RIT2: variants seen among roughly 807,000 people sequenced by gnomAD.
RIT2 encodes the protein GTP-binding protein Rit2.
Under a neutral mutation model 23.7 loss-of-function variants are expected in RIT2, and 24 were observed. That is an observed-to-expected ratio of 1.01 (90% CI 0.73 to 1.43). RIT2 has a LOEUF of 1.43. Among genes scored for constraint, RIT2 ranks in the 40% most tolerant of loss-of-function variants. The pLI is 0.00. For missense variants in RIT2, 236 were observed against 266.9 expected, an observed-to-expected ratio of 0.88 and a Z score of 0.81; for synonymous variants, 107 against 91.1, an observed-to-expected ratio of 1.17 and a Z score of -0.99.
chr18:42,939,983 G>T (rs1465973435), intron 3 of RIT2, among the ~76,000 whole-genome samples: 2 of 151,848 alleles, frequency 1.3e-5, no homozygotes, highest in Non-Finnish European at 2.9e-5. Context: ...CCACCTGAAT[G>T]AAGGCCTGAT....
intron 2 of RIT2, among the ~76,000 whole-genome samples, chr18:43,013,117 T>C (rs990198337): frequency 6.6e-6 from 1 of 151,836 alleles, no homozygotes; most frequent in African/African-American, 2.4e-5. Context: ...TGTACATACA[T>C]GTGTCTGTAC....
intron 1 of RIT2, among the ~76,000 whole-genome samples, chr18:43,108,576 G>A (rs1393370725): frequency 1.3e-5 from 2 of 152,080 alleles, no homozygotes; most frequent in South Asian, 4.2e-4. Flanking sequence ...GTCATAGATG[G>A]GGCAGACATA....
intron 4 of RIT2, among the ~76,000 whole-genome samples, chr18:42,903,557 G>A (rs150128078): frequency 1.4e-3 from 208 of 151,914 alleles, no homozygotes; most frequent in African/African-American, 4.6e-3. Flanking sequence ...ATGAATATAC[G>A]ACATTTATTT....
chr18:42,882,513 T>C (rs954243539), intron 4 of RIT2, among the ~76,000 whole-genome samples: 1 of 152,214 alleles, frequency 6.6e-6, no homozygotes, highest in Non-Finnish European at 1.5e-5. Context: ...TTCACACTGA[T>C]GCTTTACACA....
intron 4 of RIT2, among the ~76,000 whole-genome samples, chr18:42,913,739 C>A (rs1410677046): frequency 4.0e-5 from 6 of 151,840 alleles, no homozygotes; most frequent in Non-Finnish European, 1.5e-5. Flanking sequence ...TCAAAGGATA[C>A]AACATTTCAG....
At chr18:42,850,968 T>G (rs1387238144) in intron 4 of RIT2, among the ~76,000 whole-genome samples, 1 of 152,210 alleles carries the variant, frequency 6.6e-6, no homozygotes, top group Non-Finnish European at 1.5e-5. Context: ...GGGAACCAGA[T>G]GTTATATATT....
intron 2 of RIT2, among the ~76,000 whole-genome samples, chr18:43,008,530 T>C (rs1911276352): frequency 6.6e-6 from 1 of 151,386 alleles, no homozygotes; most frequent in African/African-American, 2.4e-5. Context: ...CTTTTTCTTA[T>C]ACTAACTCAT....
At chr18:42,885,551 G>A (rs538873989) in intron 4 of RIT2, among the ~76,000 whole-genome samples, 6 of 152,084 alleles carry the variant, frequency 3.9e-5, no homozygotes, top group Non-Finnish European at 7.4e-5. Flanking sequence ...GTGCCTCTGC[G>A]CTCCAGCCTG....
At chr18:42,937,338 C>T (rs981705571) in intron 3 of RIT2, among the ~76,000 whole-genome samples, 2 of 152,150 alleles carry the variant, frequency 1.3e-5, no homozygotes, top group African/African-American at 4.8e-5. Context: ...ATTTGGCCAA[C>T]AATTTTGTCT....
chr18:42,957,673 AC>A (rs1369496310), intron 3 of RIT2, among the ~76,000 whole-genome samples: 3 of 152,080 alleles, frequency 2.0e-5, no homozygotes, highest in Non-Finnish European at 4.4e-5. Context: ...AATACCAGCT[AC>A]TTGGGAGGGT....
At chr18:43,035,665 C>G (rs1911957173) in intron 1 of RIT2, among the ~76,000 whole-genome samples, 1 of 152,214 alleles carries the variant, frequency 6.6e-6, no homozygotes. Context: ...CACCACTCCT[C>G]AAGGAATATT....
At chr18:43,014,609 AAATAT>A (rs1911429808) in intron 2 of RIT2, among the ~76,000 whole-genome samples, 1 of 139,628 alleles carries the variant, frequency 7.2e-6, no homozygotes, top group Non-Finnish European at 1.6e-5. Flanking sequence ...AACATTTTTA[AAATAT>A]AATAAATAAA....
At chr18:42,744,558 G>T (rs1389620152) in intron 4 of RIT2, among the ~76,000 whole-genome samples, 1 of 151,726 alleles carries the variant, frequency 6.6e-6, no homozygotes, top group Non-Finnish European at 1.5e-5. Flanking sequence ...TTGCAAACTT[G>T]GTTAATTTTT....
chr18:42,969,916 T>G (rs1025346990), intron 3 of RIT2, among the ~76,000 whole-genome samples: 9 of 152,078 alleles, frequency 5.9e-5, no homozygotes, highest in Non-Finnish European at 1.3e-4. Context: ...TTTGCTGCAA[T>G]TTTTAATTTA....
intron 4 of RIT2, among the ~76,000 whole-genome samples, chr18:42,766,259 A>C (rs561211768): frequency 2.6e-5 from 4 of 152,306 alleles, no homozygotes; most frequent in Non-Finnish European, 5.9e-5. Context: ...GATTTGTTGA[A>C]TGGCTTTGCC....
intron 3 of RIT2, among the ~76,000 whole-genome samples, chr18:42,947,527 G>C (rs1424161954): frequency 2.6e-5 from 4 of 152,004 alleles, no homozygotes; most frequent in African/African-American, 9.7e-5. Flanking sequence ...CTCTGATTTT[G>C]CAGGGCATAT....
intron 1 of RIT2, among the ~76,000 whole-genome samples, chr18:43,070,702 T>C (rs1321032265): frequency 6.6e-6 from 1 of 152,186 alleles, no homozygotes; most frequent in Non-Finnish European, 1.5e-5. Flanking sequence ...AGCTATTATG[T>C]AGTGAATTTT....
At position 43,098,749 on chromosome 18, in the gene RIT2, A is replaced by G. The variant is rs552648921; in HGVS notation, c.103+16668T>C. Among the ~76,000 whole-genome samples, 19 of 152,136 alleles carry G rather than the reference A, an allele frequency of 1.2e-4. No individual in the cohort carries two copies. In the East Asian group the frequency reaches 3.3e-3, roughly 26 times the overall value. On this transcript the variant is annotated intron_variant, in intron 1 of 4. Coordinates refer to ENST00000326695, the MANE Select transcript of RIT2 (RefSeq NM_002930.4). ...GGAAGGCCACTGTACTATCAACCCC[A>G]TTTGACAGACAAGAAAACCAAGATT... is the stretch of plus-strand genomic sequence containing the variant.
Position 42,743,360 on chromosome 18 carries a change from C to T in RIT2, c.*133G>A, listed in dbSNP as rs780496841. ...TCTCAAGAGGTACAGATATGCAGAGCTTGCTTTTACCTACAGGCAGATATT... is the reference window on the plus strand; with the variant it reads ...TCTCAAGAGGTACAGATATGCAGAGTTTGCTTTTACCTACAGGCAGATATT... On this transcript the variant is annotated 3_prime_UTR_variant, in exon 5 of 5. Transcript: ENST00000326695. The T allele has an allele frequency of 1.5e-6, 1 of 680,654 alleles. No individual in the cohort carries two copies. The highest frequency in any genetic ancestry group is 1.9e-5 in the South Asian group (1 of 53,906). 42.2% of individuals were successfully genotyped at this position (680,654 alleles called of 1,614,324 possible).
Sources: allele counts gnomAD v4.1 joint callset (sites outside exome capture counted in the v4.1 genomes callset), GRCh38; gene constraint gnomAD v4.1.1; transcripts MANE v1.5; gene names NCBI Gene and HGNC (gene_info 2026-07-23, HGNC 2026-07-21).